PJVK: variants seen among roughly 807,000 people sequenced by gnomAD.
The protein encoded by PJVK is autosomal recessive deafness type 59 protein.
A neutral mutation model predicts 37.6 loss-of-function variants in PJVK; 33 were observed. That is an observed-to-expected ratio of 0.88 (90% CI 0.67 to 1.17). The LOEUF is 1.17. PJVK is among the 50% of genes most tolerant of loss of function. The pLI, the probability that PJVK is intolerant of heterozygous loss-of-function variation, is 0.00. For missense variants in PJVK, 410 were observed against 413.8 expected, an observed-to-expected ratio of 0.99 and a Z score of 0.08; for synonymous variants, 141 against 143.5, an observed-to-expected ratio of 0.98 and a Z score of 0.13.
At chr2:178,455,074 G>A in intron 3 of PJVK, 1 of 1,494,066 alleles carries the variant, frequency 6.7e-7, no homozygotes, top group Non-Finnish European at 9.3e-7. Context: ...TCAAGGGGCA[G>A]CCAGCGATCA....
At chr2:178,457,707 G>C (rs1684218333) in intron 4 of PJVK, among the ~76,000 whole-genome samples, 1 of 152,160 alleles carries the variant, frequency 6.6e-6, no homozygotes, top group African/African-American at 2.4e-5. Context: ...TGACGACCAT[G>C]GGCTTCGCGT....
intron 6 of PJVK, among the ~76,000 whole-genome samples, chr2:178,460,765 C>T (rs538007176): frequency 7.0e-6 from 1 of 142,764 alleles, no homozygotes. Context: ...AGGAGGATCA[C>T]TTGAGCGTGG....
At chr2:178,452,753 G>A (rs1304200947) in intron 1 of PJVK, 2 of 385,684 alleles carry the variant, frequency 5.2e-6, no homozygotes, top group East Asian at 1.6e-4. Flanking sequence ...AGTTTATATA[G>A]TTACTTATAT....
Position 178,456,075 on chromosome 2 carries a change from T to C in PJVK, c.473T>C (p.Val158Ala). Residue 158 changes from valine to alanine, a missense_variant, in exon 4 of 7, where the codon GTG becomes GCG. Val to Ala is a moderately conservative substitution (Grantham distance 64). Transcript: ENST00000644580. ...SRSSRKAVLCVVMESIRTTRQ... is the reference protein window; with the variant it reads ...SRSSRKAVLCAVMESIRTTRQ... ...AGCAGCAGAAAGGCAGTATTGTGTGTGGTCATGGAGAGCATCCGAACCACA... is the reference window on the plus strand; with the variant it reads ...AGCAGCAGAAAGGCAGTATTGTGTGCGGTCATGGAGAGCATCCGAACCACA... 6.2e-7 allele frequency: 1 copy of C among 1,614,194 alleles called. No homozygotes were observed. The highest frequency in any genetic ancestry group is 8.5e-7 in the Non-Finnish European group (1 of 1,180,028).
At chr2:178,458,652 A>G in intron 5 of PJVK, 25 bp downstream of exon 5, 4 of 1,518,436 alleles carry the variant, frequency 2.6e-6, no homozygotes, top group Non-Finnish European at 3.7e-6. Flanking sequence ...TGCATGAAAT[A>G]CAAATGATTA....
At position 178,455,239 on chromosome 2, in the gene PJVK, T is replaced by G. The variant is rs1484796158; in HGVS notation, c.407+712T>G. 3 of 1,549,590 alleles carry G rather than the reference T, an allele frequency of 1.9e-6. No individual in the cohort carries two copies. The African/African-American group carries it at 4.1e-5, about 21-fold the overall frequency. ...ACCCTGAGATCAATACCAAGAAGAT[T>G]AACCCTGAGAATTCCAAGCTGTCAG... On this transcript the variant is annotated intron_variant, in intron 3 of 6. Coordinates refer to ENST00000644580, the MANE Select transcript of PJVK (RefSeq NM_001042702.5).
chr2:178,454,376 G>A lies in PJVK; in HGVS notation c.256G>A (p.Val86Ile), dbSNP rs201641411. ...ACTGAATTATGAAGATGAATCAGAT[G>A]TTTCACTCTATGGAAGGCGAGGTAA... ...QLLNYEDESDVSLYGRRGNHI... is the reference protein window; with the variant it reads ...QLLNYEDESDISLYGRRGNHI... Residue 86 changes from valine (V) to isoleucine (I), a missense_variant, in exon 3 of 7, where the codon GTT (valine) becomes ATT (isoleucine). Val to Ile is a conservative substitution (Grantham distance 29, BLOSUM62 3). Coordinates refer to ENST00000644580, the MANE Select transcript of PJVK (RefSeq NM_001042702.5). 56 of 1,613,654 alleles carry A rather than the reference G, an allele frequency of 3.5e-5. No homozygotes were observed. The highest frequency in any genetic ancestry group is 4.4e-5 in the Non-Finnish European group (52 of 1,179,886).
At chr2:178,452,602 A>C (rs1195829914) in intron 1 of PJVK, 1 of 985,292 alleles carries the variant, frequency 1.0e-6, no homozygotes, top group Non-Finnish European at 1.2e-6. Flanking sequence ...AAATTACTTA[A>C]AAACAGGCCA....
At chr2:178,460,519 C>A in intron 6 of PJVK, 73 bp downstream of exon 6, 1 of 1,335,346 alleles carries the variant, frequency 7.5e-7, no homozygotes. Context: ...GTTTTCTATT[C>A]AGTAATCTCA....
chr2:178,456,828 C>G (rs984910177), intron 4 of PJVK, among the ~76,000 whole-genome samples: 1 of 151,922 alleles, frequency 6.6e-6, no homozygotes, highest in Non-Finnish European at 1.5e-5. Context: ...AATGCAAAAA[C>G]AGTAATCCTT....
At position 178,456,138 on chromosome 2, in the gene PJVK, G is replaced by A; in HGVS notation, c.536G>A (p.Gly179Glu). 1 of 1,614,002 alleles carries A rather than the reference G, an allele frequency of 6.2e-7. No individual in the cohort carries two copies. Among genetic ancestry groups the A allele is most frequent in the Non-Finnish European group, 8.5e-7 (1 of 1,179,984 alleles). ...CTGTCTGTGCATGCTGGAATTCGAG[G>A]GGAAGCAATGCGGGTAAACCACACT... ...CSLSVHAGIRGEAMRFHFMDE... is the reference protein window; with the variant it reads ...CSLSVHAGIREEAMRFHFMDE... Residue 179 changes from glycine to glutamate, a missense_variant, in exon 4 of 7, where the codon GGG (glycine) becomes GAG (glutamate). Physicochemically the swap from Gly to Glu is moderately conservative, Grantham distance 98. Coordinates refer to ENST00000644580, the MANE Select transcript of PJVK (RefSeq NM_001042702.5).
chr2:178,453,588 A>G lies in PJVK; in HGVS notation c.179A>G (p.Asp60Gly), dbSNP rs1170985668. 1.9e-6 allele frequency: 3 copies of G among 1,613,758 alleles called. No individual in the cohort carries two copies. Among genetic ancestry groups the G allele is most frequent in the Non-Finnish European group, 2.5e-6 (3 of 1,179,788 alleles). Residue 60 changes from aspartate to glycine, a missense_variant, in exon 2 of 7, where the codon GAT becomes GGT. By Grantham distance (94) the Asp-to-Gly change is moderately conservative. Transcript: ENST00000644580. ...ACTTCAACACCTTTTACACTGAAAGATATTCTCCTAGGAGACAGAGAAATT... is the reference window on the plus strand; with the variant it reads ...ACTTCAACACCTTTTACACTGAAAGGTATTCTCCTAGGAGACAGAGAAATT... ...KFTSTPFTLKDILLGDREISA... is the reference protein window; with the variant it reads ...KFTSTPFTLKGILLGDREISA...
chr2:178,459,206 G>A (rs1325172522), intron 5 of PJVK: 5 of 472,076 alleles, frequency 1.1e-5, no homozygotes, highest in Non-Finnish European at 2.2e-5. Flanking sequence ...TTTAAGGTCT[G>A]TTGGCCAACT....
intron 5 of PJVK, chr2:178,459,329 G>A (rs1575122660): frequency 2.6e-6 from 1 of 381,490 alleles, no homozygotes; most frequent in Middle Eastern, 3.7e-4. Flanking sequence ...GTAGGAGGAG[G>A]GAATAGGGAG....
intron 4 of PJVK, among the ~76,000 whole-genome samples, chr2:178,457,201 G>A (rs1684166532): frequency 6.6e-6 from 1 of 152,068 alleles, no homozygotes; most frequent in South Asian, 2.1e-4. Context: ...CAAAATGCTG[G>A]GATTACAGGT....
chr2:178,462,019 G>A lies in PJVK; in HGVS notation c.*745G>A, dbSNP rs1198156541. ...TGTTTCAACTATTGCCTTTGGTCTG[G>A]TAAAATGAGAAAAATGTGTTAATAA... On this transcript the variant is annotated 3_prime_UTR_variant, in exon 7 of 7. Transcript: ENST00000644580. Among the ~76,000 whole-genome samples the A allele has an allele frequency of 6.6e-6, 1 of 152,194 alleles. No individual in the cohort carries two copies. The highest frequency in any genetic ancestry group is 1.5e-5 in the Non-Finnish European group (1 of 68,036).
At position 178,462,026 on chromosome 2, in the gene PJVK, G is replaced by A. The variant is rs547198005; in HGVS notation, c.*752G>A. On this transcript the variant is annotated 3_prime_UTR_variant, in exon 7 of 7. Transcript: ENST00000644580. ...ACTATTGCCTTTGGTCTGGTAAAAT[G>A]AGAAAAATGTGTTAATAATTTAATG... Among the ~76,000 whole-genome samples the A allele has an allele frequency of 1.3e-5, 2 of 152,324 alleles. No individual in the cohort carries two copies. Among genetic ancestry groups the A allele is most frequent in the Non-Finnish European group, 2.9e-5 (2 of 68,036 alleles).
At chr2:178,455,656 A>G (rs535829411) in intron 3 of PJVK, among the ~76,000 whole-genome samples, 1 of 152,268 alleles carries the variant, frequency 6.6e-6, no homozygotes, top group South Asian at 2.1e-4. Flanking sequence ...AAAAAAAAAA[A>G]AACCACTTGG....
intron 1 of PJVK, 118 bp downstream of exon 1, chr2:178,451,887 CGT>C (rs1016823242): frequency 2.0e-6 from 2 of 975,766 alleles, no homozygotes; most frequent in African/African-American, 3.5e-5. Context: ...CATTAGATGA[CGT>C]GTCGCTTCTC....
Sources: allele counts gnomAD v4.1 joint callset (sites outside exome capture counted in the v4.1 genomes callset), GRCh38; gene constraint gnomAD v4.1.1; transcripts MANE v1.5; gene names NCBI Gene and HGNC (gene_info 2026-07-23, HGNC 2026-07-21).